B3GALT1: variants seen among roughly 807,000 people sequenced by gnomAD.
B3GALT1 encodes UDP-Gal:betaGlcNAc beta 1,3-galactosyltransferase, polypeptide 1.
A neutral mutation model predicts 23.2 loss-of-function variants in B3GALT1; 10 were observed. The ratio of observed to expected loss-of-function variants is 0.43; its 90% CI spans 0.27 to 0.73. The LOEUF (loss-of-function observed/expected upper bound fraction) is 0.73, where lower values mean the gene tolerates loss of function less well. Ranked by LOEUF, B3GALT1 falls within the 30% of genes least tolerant of loss-of-function variation. The pLI is 0.21. For missense variants in B3GALT1, 299 were observed against 405.4 expected, an observed-to-expected ratio of 0.74 and a Z score of 2.25; for synonymous variants, 156 against 141.5, an observed-to-expected ratio of 1.10 and a Z score of -0.73.
At chr2:167,823,308 AGTGTGTGCTTGAGT>A (rs1006912494) in intron 4 of B3GALT1, among the ~76,000 whole-genome samples, 2 of 152,190 alleles carry the variant, frequency 1.3e-5, no homozygotes, top group Admixed American at 6.5e-5. Flanking sequence ...CATCTTTCTA[AGTGTGTGCTTGAGT>A]GTGTGTGCTT....
At chr2:167,393,002 AGGCG>A (rs1445689667) in intron 1 of B3GALT1, among the ~76,000 whole-genome samples, 1 of 152,124 alleles carries the variant, frequency 6.6e-6, no homozygotes, top group Non-Finnish European at 1.5e-5. Context: ...TGGGAGGCCG[AGGCG>A]GGTGGATCAC....
intron 3 of B3GALT1, among the ~76,000 whole-genome samples, chr2:167,710,874 G>T (rs1034285588): frequency 6.6e-6 from 1 of 152,156 alleles, no homozygotes; most frequent in African/African-American, 2.4e-5. Context: ...TAAATAGCCC[G>T]TAGCTGGTCT....
chr2:167,557,933 T>A (rs767879479), intron 2 of B3GALT1, among the ~76,000 whole-genome samples: 1 of 152,180 alleles, frequency 6.6e-6, no homozygotes, highest in Admixed American at 6.5e-5. Flanking sequence ...ACATTGCCCA[T>A]TCAAGGAAAA....
intron 1 of B3GALT1, among the ~76,000 whole-genome samples, chr2:167,376,144 G>A (rs1479276091): frequency 6.6e-6 from 1 of 151,986 alleles, no homozygotes; most frequent in East Asian, 1.9e-4. Context: ...TATATATGTC[G>A]AACCATTCTT....
chr2:167,520,255 A>G (rs1313526576), intron 2 of B3GALT1, among the ~76,000 whole-genome samples: 2 of 152,164 alleles, frequency 1.3e-5, no homozygotes, highest in African/African-American at 2.4e-5. Context: ...GAATTTAACC[A>G]TGTAATGCAG....
chr2:167,797,245 G>A (rs745777133), intron 3 of B3GALT1, among the ~76,000 whole-genome samples: 4 of 152,172 alleles, frequency 2.6e-5, no homozygotes, highest in Non-Finnish European at 4.4e-5. Context: ...TTCTGTTCCT[G>A]CATGAGTTTG....
rs189140434 is a variant in B3GALT1 at position 167,383,380 on chromosome 2, T to G, written c.-511+90046T>G. ...TCAGAGATGTCATGGAAGCAGGAAGTTTGCAAATAACATGAAGTAGGCCTT... is the reference window on the plus strand; with the variant it reads ...TCAGAGATGTCATGGAAGCAGGAAGGTTGCAAATAACATGAAGTAGGCCTT... On this transcript the variant is annotated intron_variant, in intron 1 of 4. Coordinates refer to ENST00000392690, the MANE Select transcript of B3GALT1 (RefSeq NM_020981.4). 2.0e-5 allele frequency among the ~76,000 whole-genome samples: 3 copies of G among 152,052 alleles called. No homozygotes were observed. In the East Asian group the frequency reaches 5.8e-4, roughly 29 times the overall value.
intron 1 of B3GALT1, among the ~76,000 whole-genome samples, chr2:167,402,955 C>G (rs1266234026): frequency 2.0e-5 from 3 of 152,006 alleles, no homozygotes; most frequent in Admixed American, 6.6e-5. Flanking sequence ...CACTCCCATC[C>G]CCACTCCCCC....
intron 2 of B3GALT1, among the ~76,000 whole-genome samples, chr2:167,516,848 A>C (rs1700106088): frequency 6.6e-6 from 1 of 151,588 alleles, no homozygotes; most frequent in Non-Finnish European, 1.5e-5. Flanking sequence ...GTCTCTCTTT[A>C]TTACTTCTTT....
chr2:167,670,517 T>C (rs1686305551), intron 3 of B3GALT1, among the ~76,000 whole-genome samples: 1 of 152,158 alleles, frequency 6.6e-6, no homozygotes, highest in South Asian at 2.1e-4. Context: ...TAAGGAAGCA[T>C]GATACCACCA....
intron 3 of B3GALT1, among the ~76,000 whole-genome samples, chr2:167,691,353 G>A (rs1380289241): frequency 6.6e-6 from 1 of 152,034 alleles, no homozygotes; most frequent in Non-Finnish European, 1.5e-5. Context: ...ATCTTAAAGT[G>A]TTTTTACCTG....
At chr2:167,496,564 C>T (rs1466923319) in intron 2 of B3GALT1, among the ~76,000 whole-genome samples, 12 of 152,112 alleles carry the variant, frequency 7.9e-5, no homozygotes, top group Admixed American at 7.2e-4. Context: ...TCATTGATTA[C>T]CTTCAAAGTG....
chr2:167,704,174 C>G (rs1363081112), intron 3 of B3GALT1, among the ~76,000 whole-genome samples: 1 of 80,406 alleles, frequency 1.2e-5, no homozygotes, highest in Non-Finnish European at 2.3e-5. Flanking sequence ...GAGCGAAACT[C>G]AGTCTCAACA....
chr2:167,765,126 A>G (rs1472740016), intron 3 of B3GALT1, among the ~76,000 whole-genome samples: 1 of 152,178 alleles, frequency 6.6e-6, no homozygotes, highest in Non-Finnish European at 1.5e-5. Flanking sequence ...GACCATTATG[A>G]TTGTGTAAAG....
At position 167,430,162 on chromosome 2, in the gene B3GALT1, G is replaced by A. The variant is rs185997014; in HGVS notation, c.-510-60015G>A. 1.3e-3 allele frequency among the ~76,000 whole-genome samples: 196 copies of A among 152,296 alleles called. 1 individual carries two copies. The highest frequency in any genetic ancestry group is 1.5e-3 in the Non-Finnish European group (102 of 68,030). ...TAGCTGAAGGAGGTCTCTTCAGAAG[G>A]GGTTAGAGAATAGGCGTGAGGCTCT... On this transcript the variant is annotated intron_variant, in intron 1 of 4. Coordinates refer to ENST00000392690, the MANE Select transcript of B3GALT1 (RefSeq NM_020981.4).
At chr2:167,649,680 A>C (rs1685824839) in intron 3 of B3GALT1, among the ~76,000 whole-genome samples, 1 of 152,002 alleles carries the variant, frequency 6.6e-6, no homozygotes, top group African/African-American at 2.4e-5. Flanking sequence ...TGGATACGCT[A>C]CACTAGCATG....
chr2:167,607,046 C>T (rs1474913573), intron 2 of B3GALT1, among the ~76,000 whole-genome samples: 5 of 152,098 alleles, frequency 3.3e-5, no homozygotes, highest in African/African-American at 1.2e-4. Flanking sequence ...GTATGTATCC[C>T]TGGATTTATG....
intron 3 of B3GALT1, among the ~76,000 whole-genome samples, chr2:167,694,764 A>G (rs932221967): frequency 6.6e-6 from 1 of 152,136 alleles, no homozygotes; most frequent in Non-Finnish European, 1.5e-5. Flanking sequence ...CCGAGATTCA[A>G]GGTCAAAGAC....
At chr2:167,688,098 G>C (rs1247898898) in intron 3 of B3GALT1, among the ~76,000 whole-genome samples, 1 of 151,924 alleles carries the variant, frequency 6.6e-6, no homozygotes. Flanking sequence ...TTTGTCTACA[G>C]TTTGATAGCT....
Sources: allele counts gnomAD v4.1 joint callset (sites outside exome capture counted in the v4.1 genomes callset), GRCh38; gene constraint gnomAD v4.1.1; transcripts MANE v1.5; gene names NCBI Gene and HGNC (gene_info 2026-07-23, HGNC 2026-07-21).